Variants in ZBTB20 observed in about 807,000 individuals in gnomAD.
ZBTB20 encodes the protein zinc finger and BTB domain-containing protein 20.
Under a neutral mutation model 56.9 loss-of-function variants are expected in ZBTB20, and 9 were observed. That is an observed-to-expected ratio of 0.16 (90% CI 0.10 to 0.28). The LOEUF is 0.28. Among genes scored for constraint, ZBTB20 ranks in the 10% least tolerant of loss-of-function variants. ZBTB20 has a pLI of 1.00. For missense variants in ZBTB20, 655 were observed against 1,003.0 expected, an observed-to-expected ratio of 0.65 and a Z score of 4.69; for synonymous variants, 417 against 420.7, an observed-to-expected ratio of 0.99 and a Z score of 0.11.
At chr3:114,991,878 T>C (rs1295829706) in intron 2 of ZBTB20, among the ~76,000 whole-genome samples, 1 of 152,168 alleles carries the variant, frequency 6.6e-6, no homozygotes, top group Non-Finnish European at 1.5e-5. Flanking sequence ...TTGTCTCTTT[T>C]GATCTTTGTT....
chr3:115,136,467 G>A (rs763232311), intron 1 of ZBTB20, among the ~76,000 whole-genome samples: 6 of 151,976 alleles, frequency 3.9e-5, no homozygotes, highest in Non-Finnish European at 5.9e-5. Context: ...AGGAACTGCA[G>A]TTAAGTGTAC....
chr3:114,924,980 C>CTTTT (rs578028983), intron 3 of ZBTB20, among the ~76,000 whole-genome samples: 77 of 99,838 alleles, frequency 7.7e-4, no homozygotes, highest in Non-Finnish European at 1.0e-3. Context: ...TTTGGTTCTT[C>CTTTT]TTTTTTTTTT....
chr3:114,462,270 C>T (rs1465121432), intron 7 of ZBTB20, among the ~76,000 whole-genome samples: 2 of 152,158 alleles, frequency 1.3e-5, no homozygotes, highest in Non-Finnish European at 2.9e-5. Context: ...TCCAATTCTC[C>T]AGGCCAAAAT....
chr3:114,436,348 C>A (rs1469438266), intron 7 of ZBTB20, among the ~76,000 whole-genome samples: 1 of 152,106 alleles, frequency 6.6e-6, no homozygotes, highest in Non-Finnish European at 1.5e-5. Flanking sequence ...TCCCTAGAGG[C>A]CCAAGGGCCC....
chr3:114,645,618 T>C (rs1024468207), intron 6 of ZBTB20, among the ~76,000 whole-genome samples: 1 of 152,220 alleles, frequency 6.6e-6, no homozygotes, highest in African/African-American at 2.4e-5. Flanking sequence ...GGTATTACTA[T>C]TGGATTTTTC....
At chr3:115,069,039 T>G (rs1342160220) in intron 2 of ZBTB20, among the ~76,000 whole-genome samples, 1 of 152,120 alleles carries the variant, frequency 6.6e-6, no homozygotes, top group Non-Finnish European at 1.5e-5. Context: ...AGCACATGCT[T>G]AGGGAGGAAA....
intron 1 of ZBTB20, among the ~76,000 whole-genome samples, chr3:115,141,120 C>T (rs2084801207): frequency 6.6e-6 from 1 of 151,990 alleles, no homozygotes; most frequent in South Asian, 2.1e-4. Context: ...AGACTGTTGG[C>T]CCAAAGAACA....
intron 2 of ZBTB20, among the ~76,000 whole-genome samples, chr3:115,039,050 G>T (rs773696468): frequency 1.2e-4 from 18 of 151,906 alleles, no homozygotes; most frequent in African/African-American, 3.9e-4. Flanking sequence ...CTCCAGTAAG[G>T]TCAAATATGA....
chr3:114,761,041 A>C (rs186518703), intron 5 of ZBTB20, among the ~76,000 whole-genome samples: 6 of 152,304 alleles, frequency 3.9e-5, no homozygotes, highest in Admixed American at 6.5e-5. Flanking sequence ...ATACTCCTAG[A>C]AACTATACAG....
In ZBTB20 at chr3:114,336,873, T is replaced by G. The variant is rs548272292; in HGVS notation, c.*2132A>C. 2.0e-5 allele frequency: 3 copies of G among 152,364 alleles called. No individual in the cohort carries two copies. The highest frequency in any genetic ancestry group is 7.2e-5 in the African/African-American group (3 of 41,592). The allele number at this position is 152,364 out of a possible 1,614,324, so 9.4% of individuals were successfully genotyped here. A position where few individuals can be genotyped will look rare whatever the true frequency, so the allele number is the denominator to read the frequency against. ...CTTTGTTTAAAGATTTGCTTTCCCC[T>G]AAGTATGTTAAAATATGCCCAGCAA... is the stretch of plus-strand genomic sequence containing the variant. On this transcript the variant is annotated 3_prime_UTR_variant, in exon 12 of 12. Transcript: ENST00000675478.
At chr3:114,950,745 G>A (rs2077038787) in intron 3 of ZBTB20, among the ~76,000 whole-genome samples, 1 of 152,086 alleles carries the variant, frequency 6.6e-6, no homozygotes, top group South Asian at 2.1e-4. Flanking sequence ...ATTCATAATG[G>A]CTTCAAACTG....
chr3:115,123,495 A>G (rs2084240116), intron 1 of ZBTB20, among the ~76,000 whole-genome samples: 1 of 152,218 alleles, frequency 6.6e-6, no homozygotes, highest in African/African-American at 2.4e-5. Context: ...TTAAACTGTC[A>G]AAAAGTGTTT....
intron 2 of ZBTB20, among the ~76,000 whole-genome samples, chr3:114,982,493 A>C (rs1348406757): frequency 6.6e-6 from 1 of 152,070 alleles, no homozygotes; most frequent in East Asian, 1.9e-4. Flanking sequence ...GAGTAATTCC[A>C]TGAAGAGAAA....
chr3:115,014,292 G>T (rs975238850), intron 2 of ZBTB20, among the ~76,000 whole-genome samples: 2 of 151,494 alleles, frequency 1.3e-5, no homozygotes, highest in Admixed American at 1.3e-4. Context: ...GGGGAGAAGT[G>T]GGGATGGTTA....
At chr3:114,429,779 C>T (rs2089984565) in intron 7 of ZBTB20, among the ~76,000 whole-genome samples, 1 of 152,078 alleles carries the variant, frequency 6.6e-6, no homozygotes, top group African/African-American at 2.4e-5. Flanking sequence ...AGTATAACAG[C>T]TATTTACATA....
intron 5 of ZBTB20, among the ~76,000 whole-genome samples, chr3:114,748,842 C>T (rs1414907543): frequency 1.3e-5 from 2 of 152,082 alleles, no homozygotes; most frequent in Non-Finnish European, 2.9e-5. Context: ...GGTGTTAATG[C>T]CTCATAAGAT....
chr3:114,866,920 G>A (rs2075789189), intron 4 of ZBTB20, among the ~76,000 whole-genome samples: 1 of 152,150 alleles, frequency 6.6e-6, no homozygotes, highest in South Asian at 2.1e-4. Context: ...CCACAGTCAT[G>A]TGAGTCAATT....
At chr3:115,093,527 T>C (rs555384792) in intron 1 of ZBTB20, among the ~76,000 whole-genome samples, 1 of 152,176 alleles carries the variant, frequency 6.6e-6, no homozygotes, top group Admixed American at 6.5e-5. Flanking sequence ...GCTAGAAAAG[T>C]TCTTTTTGTT....
chr3:114,413,135 C>T (rs929890061), intron 7 of ZBTB20, among the ~76,000 whole-genome samples: 1 of 151,934 alleles, frequency 6.6e-6, no homozygotes, highest in Non-Finnish European at 1.5e-5. Context: ...AATAGGAGAA[C>T]GTTCAGTATT....
Sources: gnomAD v4.1 joint callset for allele counts (sites outside exome capture counted in the v4.1 genomes callset) on GRCh38, gnomAD v4.1.1 for gene constraint, MANE v1.5 for transcripts, NCBI Gene and HGNC (gene_info 2026-07-23, HGNC 2026-07-21) for gene names.